The following NOL4L variants were observed in gnomAD, a reference collection of about 807,000 sequenced individuals.
NOL4L encodes nucleolar protein 4 like.
Under a neutral mutation model 64.5 loss-of-function variants are expected in NOL4L, and 7 were observed. That is an observed-to-expected ratio of 0.11 (90% CI 0.06 to 0.20). The LOEUF (loss-of-function observed/expected upper bound fraction) is 0.20, where lower values mean the gene tolerates loss of function less well. Among genes scored for constraint, NOL4L ranks in the 10% least tolerant of loss-of-function variants. The probability of loss-of-function intolerance (pLI) is 1.00; values close to 1 mark genes in which losing one functional copy is unlikely to be tolerated. For missense variants in NOL4L, 680 were observed against 967.1 expected, an observed-to-expected ratio of 0.70 and a Z score of 3.94; for synonymous variants, 413 against 401.0, an observed-to-expected ratio of 1.03 and a Z score of -0.36.
intron 4 of NOL4L, among the ~76,000 whole-genome samples, chr20:32,489,955 C>A (rs1193276676): frequency 6.6e-6 from 1 of 151,698 alleles, no homozygotes; most frequent in Non-Finnish European, 1.5e-5. Context: ...ATGGTAAAAC[C>A]CTGTCTCTAC....
rs1167865039 is a variant in NOL4L, at chr20:32,461,806, CAAT to C, written c.842-5414_842-5412del. Among the ~76,000 whole-genome samples the C allele has an allele frequency of 2.0e-5, 3 of 150,954 alleles. No individual in the cohort carries two copies. In the East Asian group the frequency reaches 6.1e-4, roughly 31 times the overall value. The stretch of plus-strand genomic sequence containing the variant: ...CTTCCAAGCACTTATCCTCTCCTTG[CAAT>C]ACTACTGTGTTTATTGTGTCTCTGG... On this transcript the variant is annotated intron_variant, in intron 5 of 10. Coordinates refer to ENST00000621426, the MANE Select transcript of NOL4L (RefSeq NM_001256798.2).
chr20:32,572,848 C>A (rs1189185376), intron 1 of NOL4L, among the ~76,000 whole-genome samples: 1 of 152,140 alleles, frequency 6.6e-6, no homozygotes, highest in African/African-American at 2.4e-5. Context: ...TGCCCACTGC[C>A]CCTTCTGCAG....
In NOL4L at chr20:32,527,701, G is replaced by A. The variant is rs1011259138; in HGVS notation, c.477+57C>T. 82 of 1,496,974 alleles carry A rather than the reference G, an allele frequency of 5.5e-5. No homozygotes were observed. The Middle Eastern group carries it at 5.6e-4, about 10-fold the overall frequency. The allele number at this position is 1,496,974 out of a possible 1,614,324, so 92.7% of individuals were successfully genotyped here. ...CCCAAGCCCAACATGTGCGGAGCCC[G>A]TGGCCTCCTGCCAAGGCCTGGGGCT... On this transcript the variant is annotated intron_variant, in intron 2 of 10. Transcript: ENST00000621426.
At chr20:32,531,922 G>A (rs912857802) in intron 1 of NOL4L, among the ~76,000 whole-genome samples, 4 of 152,138 alleles carry the variant, frequency 2.6e-5, no homozygotes, top group African/African-American at 9.7e-5. Flanking sequence ...GAGATGCACA[G>A]TCTTATTTAA....
intron 3 of NOL4L, among the ~76,000 whole-genome samples, chr20:32,514,267 G>A (rs980639242): frequency 2.2e-4 from 34 of 152,072 alleles, no homozygotes; most frequent in East Asian, 5.8e-4. Flanking sequence ...TGAGGCAGGC[G>A]GATCACCCGA....
chr20:32,497,725 G>A (rs1004552968), intron 4 of NOL4L, among the ~76,000 whole-genome samples: 7 of 152,312 alleles, frequency 4.6e-5, no homozygotes, highest in East Asian at 1.9e-4. Context: ...CAGGAAAGAC[G>A]TCTCCTTTCC....
intron 4 of NOL4L, among the ~76,000 whole-genome samples, chr20:32,501,176 T>C (rs1317090800): frequency 2.0e-5 from 3 of 152,212 alleles, no homozygotes; most frequent in Admixed American, 2.0e-4. Context: ...CTAAATCATG[T>C]TGATATTATG....
At chr20:32,451,960 T>C (rs1357914319) in intron 10 of NOL4L, among the ~76,000 whole-genome samples, 1 of 151,870 alleles carries the variant, frequency 6.6e-6, no homozygotes, top group Non-Finnish European at 1.5e-5. Flanking sequence ...GTAGTGAAGG[T>C]GGGAAGTGTT....
intron 5 of NOL4L, among the ~76,000 whole-genome samples, chr20:32,461,366 C>T (rs571140918): frequency 6.6e-6 from 1 of 151,892 alleles, no homozygotes; most frequent in East Asian, 1.9e-4. Context: ...GTCACCTTCT[C>T]GGTAAGCCCA....
At chr20:32,522,807 C>T (rs898160919) in intron 2 of NOL4L, among the ~76,000 whole-genome samples, 6 of 152,200 alleles carry the variant, frequency 3.9e-5, no homozygotes, top group Non-Finnish European at 8.8e-5. Context: ...TGAGACGTGG[C>T]ACCCTAGGTC....
chr20:32,532,384 G>A (rs986377050), intron 1 of NOL4L: 6 of 985,240 alleles, frequency 6.1e-6, no homozygotes, highest in East Asian at 1.1e-4. Context: ...GGGGAAGAAC[G>A]CCAGGATGTC....
chr20:32,500,533 T>TTTTTTTTTTTTTTTTTTTTA lies in NOL4L; in HGVS notation c.699+10813_699+10814insTAAAAAAAAAAAAAAAAAAA. On this transcript the variant is annotated intron_variant, in intron 4 of 10. Coordinates refer to ENST00000621426, the MANE Select transcript of NOL4L (RefSeq NM_001256798.2). ...CACGCCCAGCTAATTTTTTTGTATT[T>TTTTTTTTTTTTTTTTTTTTA]CTTTCTTTTTTTTTTTTTTTTTTAC... 9.2e-3 allele frequency among the ~76,000 whole-genome samples: 1,088 copies of TTTTTTTTTTTTTTTTTTTTA among 118,898 alleles called. 33 individuals carry two copies. Among genetic ancestry groups the TTTTTTTTTTTTTTTTTTTTA allele is most frequent in the Middle Eastern group, 0.023 (6 of 266 alleles). 78.0% of individuals were successfully genotyped at this position (118,898 alleles called of 152,430 possible).
chr20:32,502,026 G>A (rs1296187529), intron 4 of NOL4L, among the ~76,000 whole-genome samples: 1 of 152,212 alleles, frequency 6.6e-6, no homozygotes, highest in East Asian at 1.9e-4. Context: ...GTATAGATAT[G>A]TTGCAGGATG....
chr20:32,485,327 G>A (rs1481311394), intron 4 of NOL4L, among the ~76,000 whole-genome samples: 1 of 152,050 alleles, frequency 6.6e-6, no homozygotes, highest in African/African-American at 2.4e-5. Flanking sequence ...GCTTTGCATT[G>A]TGAACAATCC....
In NOL4L at chr20:32,447,478, G is replaced by A; in HGVS notation, c.*118C>T. On this transcript the variant is annotated 3_prime_UTR_variant, in exon 11 of 11. Coordinates refer to ENST00000621426, the MANE Select transcript of NOL4L (RefSeq NM_001256798.2). ...GGTGCTTGGAGTGTGGCTAGAAACA[G>A]CTCTTTTGGATCCCACCTCTTTCAA... is the stretch of plus-strand genomic sequence containing the variant. 1.5e-6 allele frequency: 2 copies of A among 1,293,038 alleles called. No individual in the cohort carries two copies. The highest frequency in any genetic ancestry group is 2.1e-6 in the Non-Finnish European group (2 of 973,702). The allele number at this position is 1,293,038 out of a possible 1,614,324, so 80.1% of individuals were successfully genotyped here. A position where few individuals can be genotyped will look rare whatever the true frequency, so the allele number is the denominator to read the frequency against.
chr20:32,502,767 C>T (rs965103240), intron 4 of NOL4L, among the ~76,000 whole-genome samples: 51 of 151,708 alleles, frequency 3.4e-4, no homozygotes, highest in Non-Finnish European at 5.4e-4. Flanking sequence ...AAAAATTAGC[C>T]GGGAGTGGTG....
chr20:32,483,602 A>AT, intron 4 of NOL4L: 1 of 336,934 alleles, frequency 3.0e-6, no homozygotes, highest in Non-Finnish European at 3.4e-6. Flanking sequence ...AGGAAGGGGG[A>AT]GGGGGCACCG....
At chr20:32,495,569 T>C (rs1474880111) in intron 4 of NOL4L, among the ~76,000 whole-genome samples, 1 of 152,150 alleles carries the variant, frequency 6.6e-6, no homozygotes, top group East Asian at 1.9e-4. Flanking sequence ...CAGAAGACAG[T>C]CCCTTGAAGA....
At position 32,503,458 on chromosome 20, in the gene NOL4L, G is replaced by A. The variant is rs116077507; in HGVS notation, c.699+7889C>T. On this transcript the variant is annotated intron_variant, in intron 4 of 10. Transcript: ENST00000621426. ...CGGGAGGCTGGGAACTGAGAGGGAA[G>A]TGGTGGCCTCAGTGGGAGAGCCCCA... Among the ~76,000 whole-genome samples the A allele has an allele frequency of 7.9e-3, 1,200 of 152,320 alleles. 13 individuals carry two copies. The highest frequency in any genetic ancestry group is 0.027 in the African/African-American group (1,136 of 41,558).
Sources: allele counts gnomAD v4.1 joint callset (sites outside exome capture counted in the v4.1 genomes callset), GRCh38; gene constraint gnomAD v4.1.1; transcripts MANE v1.5; gene names NCBI Gene and HGNC (gene_info 2026-07-23, HGNC 2026-07-21).